CR1: variants seen among roughly 807,000 people sequenced by gnomAD.
The protein encoded by CR1 is complement C3b/C4b receptor 1 (Knops blood group).
CR1 carries 116 observed loss-of-function variants against 187.3 expected under a neutral mutation model. That is an observed-to-expected ratio of 0.62 (90% CI 0.53 to 0.72). The LOEUF is 0.72. Ranked by LOEUF, CR1 falls within the 30% of genes least tolerant of loss-of-function variation. The probability of loss-of-function intolerance (pLI) is 0.00; values close to 1 mark genes in which losing one functional copy is unlikely to be tolerated. For synonymous variants in CR1, 576 were observed against 747.1 expected, an observed-to-expected ratio of 0.77 and a Z score of 3.73; for missense variants, 1,731 against 2,110.7, an observed-to-expected ratio of 0.82 and a Z score of 3.52.
intron 24 of CR1, 52 bp downstream of exon 24, chr1:207,565,975 C>T (rs1660482947): frequency 6.2e-7 from 1 of 1,600,964 alleles, no homozygotes; most frequent in East Asian, 2.2e-5. Flanking sequence ...CATCTGTTCA[C>T]TATTTGTCCT....
At chr1:207,631,782 A>T (rs989200861) in intron 46 of CR1, among the ~76,000 whole-genome samples, 2 of 152,242 alleles carry the variant, frequency 1.3e-5, no homozygotes, top group Non-Finnish European at 2.9e-5. Context: ...AGGTGTTTGG[A>T]ACATTTTCAG....
chr1:207,568,095 C>G lies in CR1; in HGVS notation c.4171+53C>G, dbSNP rs556276468. The stretch of plus-strand genomic sequence containing the variant: ...ATGGGTTCAGAATATCTAACCCAGC[C>G]CCTCCATATTTCCATAATTACAGTG... On this transcript the variant is annotated intron_variant, in intron 25 of 46. Transcript: ENST00000367049. 35 of 1,610,424 alleles carry G rather than the reference C, an allele frequency of 2.2e-5. 1 individual carries two copies. In the South Asian group the frequency reaches 3.7e-4, roughly 17 times the overall value.
intron 28 of CR1, among the ~76,000 whole-genome samples, chr1:207,577,535 C>T (rs779127253): frequency 4.6e-5 from 7 of 152,020 alleles, no homozygotes; most frequent in Non-Finnish European, 8.8e-5. Flanking sequence ...TTTGAAAGGC[C>T]GAGGCAGGCG....
chr1:207,511,443 T>C (rs542272942), intron 3 of CR1, 126 bp from the exon 4 acceptor site: 14 of 787,740 alleles, frequency 1.8e-5, no homozygotes, highest in Middle Eastern at 2.5e-4. Flanking sequence ...AAGTGATAGA[T>C]AGTCCTTTGA....
chr1:207,500,332 T>C (rs1659229235), intron 1 of CR1, among the ~76,000 whole-genome samples: 1 of 152,222 alleles, frequency 6.6e-6, no homozygotes, highest in Non-Finnish European at 1.5e-5. Flanking sequence ...GGGCATGCTC[T>C]TTTTTTAAAC....
intron 33 of CR1, among the ~76,000 whole-genome samples, chr1:207,585,441 A>G (rs554723625): frequency 6.6e-6 from 1 of 152,300 alleles, no homozygotes; most frequent in African/African-American, 2.4e-5. Flanking sequence ...TGTTCCACTC[A>G]GGGGGTAAGA....
At chr1:207,619,466 C>T (rs1662250320) in intron 42 of CR1, among the ~76,000 whole-genome samples, 1 of 151,708 alleles carries the variant, frequency 6.6e-6, no homozygotes, top group African/African-American at 2.4e-5. Context: ...GTTCTATGTG[C>T]AGAAATTGGC....
intron 5 of CR1, among the ~76,000 whole-genome samples, chr1:207,525,188 T>C (rs12753650): frequency 9.8e-4 from 149 of 151,766 alleles, no homozygotes; most frequent in East Asian, 3.9e-3. Flanking sequence ...ATCCAGTCAC[T>C]TCCCACCAGG....
chr1:207,504,818 C>A (rs902298276), intron 1 of CR1, among the ~76,000 whole-genome samples: 1 of 152,158 alleles, frequency 6.6e-6, no homozygotes, highest in African/African-American at 2.4e-5. Flanking sequence ...GGGTCCTCAA[C>A]CCCTGGGCCA....
intron 35 of CR1, among the ~76,000 whole-genome samples, chr1:207,601,367 T>C (rs2102373195): frequency 1.3e-5 from 2 of 152,304 alleles, no homozygotes; most frequent in Middle Eastern, 6.8e-3. Context: ...TAGTTTAAAA[T>C]AGGCAGAATT....
intron 46 of CR1, among the ~76,000 whole-genome samples, chr1:207,634,649 G>A (rs978409888): frequency 1.3e-5 from 2 of 152,092 alleles, no homozygotes; most frequent in Admixed American, 6.5e-5. Context: ...ATCAGGAGGG[G>A]TGTCCCTTGG....
intron 39 of CR1, among the ~76,000 whole-genome samples, chr1:207,612,315 C>T (rs998476073): frequency 8.6e-5 from 13 of 152,008 alleles, no homozygotes; most frequent in Non-Finnish European, 1.3e-4. Context: ...TGAATGGGTA[C>T]GTATTTATTT....
intron 1 of CR1, 99 bp downstream of exon 1, chr1:207,496,487 G>C (rs1164400376): frequency 1.5e-5 from 19 of 1,276,818 alleles, no homozygotes; most frequent in Admixed American, 9.3e-5. Flanking sequence ...TGCTCTGCGC[G>C]CCCGGGTCCG....
chr1:207,526,238 C>T (rs558085431), intron 5 of CR1, among the ~76,000 whole-genome samples: 65 of 152,022 alleles, frequency 4.3e-4, no homozygotes, highest in African/African-American at 1.5e-3. Context: ...GTCAGGTGGC[C>T]GCTGAGAGAA....
intron 46 of CR1, among the ~76,000 whole-genome samples, chr1:207,632,751 T>C (rs1351583717): frequency 7.5e-6 from 1 of 134,150 alleles, no homozygotes; most frequent in Non-Finnish European, 1.5e-5. Flanking sequence ...TGAGCCGAGA[T>C]CGCGCCACTG....
intron 28 of CR1, among the ~76,000 whole-genome samples, chr1:207,577,493 G>A (rs867934075): frequency 6.6e-5 from 10 of 152,082 alleles, no homozygotes; most frequent in Middle Eastern, 3.2e-3. Context: ...AACCAGGCTG[G>A]GCACGGTGGC....
At position 207,577,956 on chromosome 1, in the gene CR1, A is replaced by G. The variant is rs765800008; in HGVS notation, c.4689A>G (p.Ile1563Met). Residue 1563 changes from isoleucine (I) to methionine (M), a missense_variant, in exon 29 of 47, where the codon ATA (isoleucine) becomes ATG (methionine). Ile to Met is a conservative substitution (Grantham distance 10). Coordinates refer to ENST00000367049, the MANE Select transcript of CR1 (RefSeq NM_000651.6). ...TTGAGCTTGTGGGTGAGCCCTCCAT[A>G]TACTGCACCAGCAATGACGATCAAG... is the stretch of plus-strand genomic sequence containing the variant. ...KVFELVGEPS[I>M]YCTSNDDQVG... The G allele has an allele frequency of 6.2e-7, 1 of 1,611,970 alleles. No homozygotes were observed. The highest frequency in any genetic ancestry group is 8.5e-7 in the Non-Finnish European group (1 of 1,179,726).
At chr1:207,522,539 C>A (rs1458513162) in intron 4 of CR1, among the ~76,000 whole-genome samples, 1 of 152,206 alleles carries the variant, frequency 6.6e-6, no homozygotes, top group Admixed American at 6.5e-5. Flanking sequence ...GCCCAGTTGC[C>A]AAGCCCAAAT....
intron 31 of CR1, 81 bp downstream of exon 31, chr1:207,580,694 G>T: frequency 7.8e-7 from 1 of 1,274,386 alleles, no homozygotes; most frequent in Non-Finnish European, 1.1e-6. Context: ...CAAAAAGAGG[G>T]CTGACCTAGG....
Sources: gnomAD v4.1 joint callset for allele counts (sites outside exome capture counted in the v4.1 genomes callset) on GRCh38, gnomAD v4.1.1 for gene constraint, MANE v1.5 for transcripts, NCBI Gene and HGNC (gene_info 2026-07-23, HGNC 2026-07-21) for gene names.